Variants in MBNL1 observed in about 807,000 individuals in gnomAD.
The protein encoded by MBNL1 is muscleblind-like protein 1.
MBNL1 carries 8 observed loss-of-function variants against 42.2 expected under a neutral mutation model. The observed-to-expected ratio is 0.19, with a 90% CI of 0.11 to 0.34. MBNL1 has a LOEUF of 0.34. Ranked by LOEUF, MBNL1 falls within the 10% of genes least tolerant of loss-of-function variation. The pLI, the probability that MBNL1 is intolerant of heterozygous loss-of-function variation, is 1.00. For missense variants in MBNL1, 309 were observed against 495.3 expected (o/e 0.62, Z 3.57); for synonymous variants, 169 against 173.9 (o/e 0.97, Z 0.22).
chr3:152,310,073 C>G (rs750995625), intron 2 of MBNL1, among the ~76,000 whole-genome samples: 1 of 152,080 alleles, frequency 6.6e-6, no homozygotes, highest in African/African-American at 2.4e-5. Context: ...TTTTGGAAAC[C>G]GCTGCATAGT....
At chr3:152,256,132 T>A (rs1201682838) in intron 2 of MBNL1, among the ~76,000 whole-genome samples, 1 of 152,130 alleles carries the variant, frequency 6.6e-6, no homozygotes, top group African/African-American at 2.4e-5. Context: ...GGAAAAACTG[T>A]TGTATGAAGA....
chr3:152,350,248 A>G (rs1187378513), intron 2 of MBNL1, among the ~76,000 whole-genome samples: 5 of 152,178 alleles, frequency 3.3e-5, no homozygotes, highest in Admixed American at 2.6e-4. Flanking sequence ...TAGAGAAGAC[A>G]AGAAATGAGA....
At chr3:152,381,714 G>C (rs1310093070) in intron 2 of MBNL1, among the ~76,000 whole-genome samples, 3 of 151,536 alleles carry the variant, frequency 2.0e-5, no homozygotes, top group African/African-American at 4.8e-5. Context: ...TTCCACACCT[G>C]TTTCTATGAA....
At chr3:152,385,232 C>A (rs2097359934) in intron 2 of MBNL1, among the ~76,000 whole-genome samples, 1 of 151,890 alleles carries the variant, frequency 6.6e-6, no homozygotes, top group East Asian at 1.9e-4. Flanking sequence ...TGTATTGAGG[C>A]CTCTCTTACA....
chr3:152,385,835 A>G (rs974245306), intron 2 of MBNL1, among the ~76,000 whole-genome samples: 1 of 152,016 alleles, frequency 6.6e-6, no homozygotes, highest in African/African-American at 2.4e-5. Context: ...AATTCTTGTC[A>G]TGGGCCGTGT....
At chr3:152,257,114 A>T (rs1032768168) in intron 2 of MBNL1, among the ~76,000 whole-genome samples, 1 of 152,126 alleles carries the variant, frequency 6.6e-6, no homozygotes, top group Non-Finnish European at 1.5e-5. Flanking sequence ...ATACTATCGG[A>T]TTATTGCAGA....
At chr3:152,361,210 G>A (rs1459497964) in intron 2 of MBNL1, among the ~76,000 whole-genome samples, 1 of 151,982 alleles carries the variant, frequency 6.6e-6, no homozygotes, top group African/African-American at 2.4e-5. Context: ...GCCAGAGACT[G>A]TGGGTATACA....
In MBNL1 at chr3:152,443,485, T is replaced by TACACACAC. The variant is rs150370083; in HGVS notation, c.550-1781_550-1774dup. Among the ~76,000 whole-genome samples the TACACACAC allele has an allele frequency of 4.3e-3, 629 of 144,966 alleles. 5 individuals carry two copies. The highest frequency in any genetic ancestry group is 0.014 in the African/African-American group (535 of 38,718). On this transcript the variant is annotated intron_variant, in intron 4 of 9. Transcript: ENST00000324210. ...TTTATGCAGTAGTATATATTTAGCATACACACACACACACACACACACAAC... is the reference window on the plus strand; with the variant it reads ...TTTATGCAGTAGTATATATTTAGCATACACACACACACACACACACACACACACACAAC...
chr3:152,442,687 T>G (rs2099160396), intron 4 of MBNL1, among the ~76,000 whole-genome samples: 2 of 152,222 alleles, frequency 1.3e-5, no homozygotes. Context: ...CAAACTCATA[T>G]TGAGCAACCA....
intron 2 of MBNL1, among the ~76,000 whole-genome samples, chr3:152,256,981 C>T (rs1559938153): frequency 6.6e-6 from 1 of 152,032 alleles, no homozygotes; most frequent in Non-Finnish European, 1.5e-5. Flanking sequence ...CTCCTGGCAA[C>T]CTCCAAATAG....
intron 2 of MBNL1, among the ~76,000 whole-genome samples, chr3:152,327,987 A>G (rs952457621): frequency 2.0e-5 from 3 of 152,044 alleles, no homozygotes; most frequent in Non-Finnish European, 2.9e-5. Context: ...TTTTTTGAAG[A>G]AGAATTGATG....
At chr3:152,258,129 G>A (rs1450345315) in intron 2 of MBNL1, among the ~76,000 whole-genome samples, 1 of 152,012 alleles carries the variant, frequency 6.6e-6, no homozygotes, top group African/African-American at 2.4e-5. Context: ...CTTAAAATTT[G>A]TAATTTGATT....
intron 1 of MBNL1, 60 bp downstream of exon 1, chr3:152,269,152 T>G (rs1025664163): frequency 7.0e-6 from 3 of 426,286 alleles, no homozygotes; most frequent in African/African-American, 4.1e-5. Flanking sequence ...CCGGCGGGTC[T>G]GCCCGTGGCT....
chr3:152,300,241 G>A lies in MBNL1; in HGVS notation c.48G>A (p.Leu16=). ...TPIRDTKWLT[L]EVCREFQRGT... ...TTCGGGACACAAAATGGCTAACACTGGAAGTATGTAGAGAGTTCCAGAGGG... is the reference window on the plus strand; with the variant it reads ...TTCGGGACACAAAATGGCTAACACTAGAAGTATGTAGAGAGTTCCAGAGGG... Residue 16 remains leucine (L), a synonymous_variant, in exon 2 of 10, where the codon CTG becomes CTA. Transcript: ENST00000324210. 1 of 1,613,098 alleles carries A rather than the reference G, an allele frequency of 6.2e-7. No homozygotes were observed. Among genetic ancestry groups the A allele is most frequent in the Non-Finnish European group, 8.5e-7 (1 of 1,179,536 alleles).
intron 2 of MBNL1, among the ~76,000 whole-genome samples, chr3:152,344,289 T>C (rs1356904064): frequency 6.6e-6 from 1 of 152,138 alleles, no homozygotes; most frequent in Non-Finnish European, 1.5e-5. Context: ...TTTCGGACTA[T>C]AACACTACCT....
rs927714800 is a variant in MBNL1 at position 152,300,141 on chromosome 3, G to A, written c.-53G>A. ...TTTTGGTTGTTGCTCTTTTTTGGGG[G>A]GGTTGGGTTTGTTGGTTTCACTGAA... On this transcript the variant is annotated 5_prime_UTR_variant, in exon 2 of 10. Coordinates refer to ENST00000324210, the MANE Select transcript of MBNL1 (RefSeq NM_021038.5). The A allele has an allele frequency of 2.6e-5, 32 of 1,229,882 alleles. No homozygotes were observed. In the Middle Eastern group the frequency reaches 1.2e-3, roughly 46 times the overall value. The allele number at this position is 1,229,882 out of a possible 1,614,324, so 76.2% of individuals were successfully genotyped here. A position where few individuals can be genotyped will look rare whatever the true frequency, so the allele number is the denominator to read the frequency against.
chr3:152,259,241 T>C (rs2035889182), intron 2 of MBNL1, among the ~76,000 whole-genome samples: 2 of 152,162 alleles, frequency 1.3e-5, no homozygotes, highest in Admixed American at 6.5e-5. Flanking sequence ...TGGGAGTAAG[T>C]ATGTGGGTGG....
intron 2 of MBNL1, among the ~76,000 whole-genome samples, chr3:152,319,168 T>C (rs189016901): frequency 6.6e-6 from 1 of 152,302 alleles, no homozygotes; most frequent in African/African-American, 2.4e-5. Flanking sequence ...AAACCTTTTT[T>C]TGGGGGGCCT....
chr3:152,293,286 G>C (rs1398426664), intron 1 of MBNL1, among the ~76,000 whole-genome samples: 1 of 152,142 alleles, frequency 6.6e-6, no homozygotes, highest in Non-Finnish European at 1.5e-5. Context: ...AGTGCTGAAG[G>C]CTGCATTAAC....
Sources: allele counts gnomAD v4.1 joint callset (sites outside exome capture counted in the v4.1 genomes callset), GRCh38; gene constraint gnomAD v4.1.1; transcripts MANE v1.5; gene names NCBI Gene and HGNC (gene_info 2026-07-23, HGNC 2026-07-21).